HS6ST3: variants seen among roughly 807,000 people sequenced by gnomAD.
HS6ST3 encodes heparan sulfate 6-O-sulfotransferase 3.
Under a neutral mutation model 36.7 loss-of-function variants are expected in HS6ST3, and 12 were observed. The ratio of observed to expected loss-of-function variants is 0.33; its 90% confidence interval spans 0.21 to 0.53. The LOEUF (loss-of-function observed/expected upper bound fraction) is 0.53, where lower values mean the gene tolerates loss of function less well. HS6ST3 is among the 20% of genes least tolerant of loss of function. HS6ST3 has a pLI of 0.95. For missense variants in HS6ST3, 584 were observed against 640.9 expected (o/e 0.91, Z 0.96); for synonymous variants, 240 against 257.5 (o/e 0.93, Z 0.65).
intron 1 of HS6ST3, among the ~76,000 whole-genome samples, chr13:96,162,566 A>T (rs940142735): frequency 1.3e-5 from 2 of 152,316 alleles, no homozygotes; most frequent in African/African-American, 4.8e-5. Flanking sequence ...GGGAAGAGAA[A>T]ACACAGAGGC....
chr13:96,832,002 G>A (rs1483988861), intron 1 of HS6ST3, among the ~76,000 whole-genome samples: 1 of 128,290 alleles, frequency 7.8e-6, no homozygotes, highest in Admixed American at 8.3e-5. Context: ...GAGAATACAT[G>A]TTCAACTTTG....
intron 1 of HS6ST3, among the ~76,000 whole-genome samples, chr13:96,674,298 C>T (rs1000799300): frequency 2.6e-5 from 4 of 152,260 alleles, no homozygotes; most frequent in African/African-American, 9.6e-5. Flanking sequence ...CCAAGCCATG[C>T]TTCCTGTACA....
At chr13:96,701,785 TC>T (rs1875294226) in intron 1 of HS6ST3, among the ~76,000 whole-genome samples, 1 of 151,750 alleles carries the variant, frequency 6.6e-6, no homozygotes, top group Non-Finnish European at 1.5e-5. Flanking sequence ...CATGATGACA[TC>T]CCATCTCTAC....
intron 1 of HS6ST3, among the ~76,000 whole-genome samples, chr13:96,672,373 C>G (rs2056685465): frequency 6.6e-6 from 1 of 152,128 alleles, no homozygotes; most frequent in Admixed American, 6.6e-5. Flanking sequence ...ACTAATTCAT[C>G]CCCAAACATT....
chr13:96,251,512 T>C (rs2054607859), intron 1 of HS6ST3, among the ~76,000 whole-genome samples: 1 of 152,126 alleles, frequency 6.6e-6, no homozygotes. Context: ...ATTGATTTTG[T>C]TTATCTTTTA....
chr13:96,627,201 A>G (rs1360017224), intron 1 of HS6ST3, among the ~76,000 whole-genome samples: 2 of 152,084 alleles, frequency 1.3e-5, no homozygotes, highest in Non-Finnish European at 2.9e-5. Flanking sequence ...CTTGCTATTA[A>G]CTTTGTTAAC....
chr13:96,616,436 C>G lies in HS6ST3; in HGVS notation c.708-216054C>G, dbSNP rs192794394. On this transcript the variant is annotated intron_variant, in intron 1 of 1. Coordinates refer to ENST00000376705, the MANE Select transcript of HS6ST3 (RefSeq NM_153456.4). ...TTCCTATTTGGAAAAATGCTTAATA[C>G]CTTCTTATTATCAGCACTGCCACCA... 2.8e-3 allele frequency among the ~76,000 whole-genome samples: 421 copies of G among 152,152 alleles called. 1 individual carries two copies. The highest frequency in any genetic ancestry group is 3.5e-3 in the Non-Finnish European group (238 of 67,984).
intron 1 of HS6ST3, among the ~76,000 whole-genome samples, chr13:96,394,317 G>T (rs1394226803): frequency 6.6e-6 from 1 of 150,562 alleles, no homozygotes; most frequent in Non-Finnish European, 1.5e-5. Flanking sequence ...TTTTAGAATG[G>T]AATGGCCACA....
intron 1 of HS6ST3, among the ~76,000 whole-genome samples, chr13:96,827,997 C>A (rs969597609): frequency 6.6e-6 from 1 of 152,198 alleles, no homozygotes; most frequent in South Asian, 2.1e-4. Context: ...ACAACTTTAT[C>A]ATCAGTACTT....
intron 1 of HS6ST3, among the ~76,000 whole-genome samples, chr13:96,762,334 G>C (rs1159208091): frequency 1.3e-5 from 2 of 152,220 alleles, no homozygotes; most frequent in African/African-American, 4.8e-5. Context: ...AAAAAAATTA[G>C]CTGGGCATGG....
chr13:96,237,923 ACCTGGG>A (rs1221735254), intron 1 of HS6ST3, among the ~76,000 whole-genome samples: 1 of 151,902 alleles, frequency 6.6e-6, no homozygotes, highest in Non-Finnish European at 1.5e-5. Flanking sequence ...TGTCAGCTAA[ACCTGGG>A]CCTTGGTTTT....
intron 1 of HS6ST3, among the ~76,000 whole-genome samples, chr13:96,486,693 G>A (rs2055916794): frequency 1.3e-5 from 2 of 152,128 alleles, no homozygotes; most frequent in Admixed American, 6.5e-5. Context: ...CATATCCTTT[G>A]CCCACTTTTT....
intron 1 of HS6ST3, among the ~76,000 whole-genome samples, chr13:96,112,622 T>TGC (rs2053876065): frequency 1.5e-5 from 2 of 130,534 alleles, no homozygotes; most frequent in East Asian, 2.3e-4. Flanking sequence ...TATATATATA[T>TGC]GCCCGGCTGG....
At position 96,601,682 on chromosome 13, in the gene HS6ST3, CT is replaced by C. The variant is rs935906577; in HGVS notation, c.708-230800del. Among the ~76,000 whole-genome samples, 19 of 151,858 alleles carry C rather than the reference CT, an allele frequency of 1.3e-4. 2 individuals carry two copies. The South Asian group carries it at 1.9e-3, about 15-fold the overall frequency. On this transcript the variant is annotated intron_variant, in intron 1 of 1. Coordinates refer to ENST00000376705, the MANE Select transcript of HS6ST3 (RefSeq NM_153456.4). Reference sequence around the variant, plus strand: ...AATCTTTTGGGGGTGTTGCAGAACTCTTTTTTTTCATATTACGAGAATTATT... The same window carrying C: ...AATCTTTTGGGGGTGTTGCAGAACTCTTTTTTTCATATTACGAGAATTATT...
At chr13:96,779,123 A>G (rs892091408) in intron 1 of HS6ST3, among the ~76,000 whole-genome samples, 9 of 152,070 alleles carry the variant, frequency 5.9e-5, no homozygotes, top group Admixed American at 3.9e-4. Context: ...GAGTGATGAG[A>G]ACACATGGAC....
intron 1 of HS6ST3, among the ~76,000 whole-genome samples, chr13:96,301,764 G>T (rs1331286897): frequency 6.6e-6 from 1 of 151,776 alleles, no homozygotes; most frequent in Admixed American, 6.6e-5. Context: ...AAAAAAATTA[G>T]TTGGGCACGG....
intron 1 of HS6ST3, among the ~76,000 whole-genome samples, chr13:96,782,175 C>G (rs957484737): frequency 2.6e-5 from 4 of 152,210 alleles, no homozygotes; most frequent in Admixed American, 6.5e-5. Context: ...ATTTACCAAT[C>G]TAGCCCAGAG....
At chr13:96,472,658 A>G (rs914483318) in intron 1 of HS6ST3, among the ~76,000 whole-genome samples, 7 of 152,174 alleles carry the variant, frequency 4.6e-5, no homozygotes, top group Admixed American at 1.3e-4. Flanking sequence ...CTCAAAGGCT[A>G]TAGCAATACC....
intron 1 of HS6ST3, among the ~76,000 whole-genome samples, chr13:96,515,471 T>C (rs1280277960): frequency 2.0e-5 from 3 of 152,210 alleles, no homozygotes; most frequent in Non-Finnish European, 4.4e-5. Flanking sequence ...CATTCACGTT[T>C]TATGCATTTA....
Sources: gnomAD v4.1 joint callset for allele counts (sites outside exome capture counted in the v4.1 genomes callset) on GRCh38, gnomAD v4.1.1 for gene constraint, MANE v1.5 for transcripts, NCBI Gene and HGNC (gene_info 2026-07-23, HGNC 2026-07-21) for gene names.